NANP: variants seen among roughly 807,000 people sequenced by gnomAD.
NANP encodes the protein N-acetylneuraminic acid phosphatase.
NANP carries 15 observed loss-of-function variants against 16.9 expected under a neutral mutation model. That is an observed-to-expected ratio of 0.89 (90% CI 0.59 to 1.37). NANP has a LOEUF of 1.37. Among genes scored for constraint, NANP ranks in the 40% most tolerant of loss-of-function variants. The probability of loss-of-function intolerance (pLI) is 0.00; values close to 1 mark genes in which losing one functional copy is unlikely to be tolerated. For synonymous variants in NANP, 135 were observed against 112.6 expected (o/e 1.20, Z -1.26); for missense variants, 290 against 303.5 (o/e 0.96, Z 0.33).
In NANP at chr20:25,616,121, C is replaced by G. The variant is rs900572092; in HGVS notation, c.551G>C (p.Cys184Ser). 1.9e-6 allele frequency: 3 copies of G among 1,614,204 alleles called. No individual in the cohort carries two copies. In the African/African-American group the frequency reaches 4.0e-5, roughly 22 times the overall value. The change falls in exon 2 of 2, where the codon TGT becomes TCT. Residue 184 changes from cysteine (C) to serine (S), a missense_variant. Coordinates refer to ENST00000304788, the MANE Select transcript of NANP (RefSeq NM_152667.3). ...CNLLGVQPGD[C>S]VMVGDTLETD... ...TTCTAATGTGTCACCGACCATCACACAGTCCCCAGGTTGTACTCCGAGAAG... is the reference window on the plus strand; with the variant it reads ...TTCTAATGTGTCACCGACCATCACAGAGTCCCCAGGTTGTACTCCGAGAAG...
chr20:25,619,528 A>C (rs995173477), intron 1 of NANP, among the ~76,000 whole-genome samples: 1 of 152,238 alleles, frequency 6.6e-6, no homozygotes, highest in Non-Finnish European at 1.5e-5. Flanking sequence ...AAATGTAATC[A>C]TTAAGAAAAA....
intron 1 of NANP, among the ~76,000 whole-genome samples, chr20:25,621,822 G>A (rs2065365338): frequency 6.6e-6 from 1 of 152,130 alleles, no homozygotes; most frequent in African/African-American, 2.4e-5. Context: ...CAAAGTACTG[G>A]GATTACAGGC....
At chr20:25,623,582 G>A (rs900542826) in intron 1 of NANP, among the ~76,000 whole-genome samples, 1 of 152,274 alleles carries the variant, frequency 6.6e-6, no homozygotes, top group Admixed American at 6.5e-5. Context: ...CGTGGCAGCC[G>A]TCACGGAGCC....
rs556748525 is a variant in NANP at position 25,624,005 on chromosome 20, G to A, written c.-57C>T. On this transcript the variant is annotated 5_prime_UTR_variant, in exon 1 of 2. Transcript: ENST00000304788. ...GCCACCGCCGCCTGCGCATGCGCAA[G>A]GCGGACTGCCCAGAGAGACGTGGGA... The A allele has an allele frequency of 1.9e-5, 29 of 1,562,156 alleles. No homozygotes were observed. In the Middle Eastern group the frequency reaches 1.4e-3, roughly 75 times the overall value.
chr20:25,619,258 G>C (rs557279048), intron 1 of NANP, among the ~76,000 whole-genome samples: 29 of 151,072 alleles, frequency 1.9e-4, no homozygotes, highest in Admixed American at 1.7e-3. Flanking sequence ...CGAATAGCTA[G>C]AACTACAACT....
Position 25,614,543 on chromosome 20 carries a change from C to A in NANP, c.*1382G>T, listed in dbSNP as rs552824549. 1.4e-4 allele frequency: 21 copies of A among 152,154 alleles called. No individual in the cohort carries two copies. The highest frequency in any genetic ancestry group is 4.8e-4 in the African/African-American group (20 of 41,498). The allele number at this position is 152,154 out of a possible 1,614,324, so 9.4% of individuals were successfully genotyped here. On this transcript the variant is annotated 3_prime_UTR_variant, in exon 2 of 2. Transcript: ENST00000304788. ...TTAATTATTAAGCTCCTGGTAAACC[C>A]TGAATTAGATATAGAAATTTGCAAA...
Position 25,623,965 on chromosome 20 carries a change from G to T in NANP, c.-17C>A. 1.9e-6 allele frequency: 3 copies of T among 1,609,918 alleles called. No individual in the cohort carries two copies. Among genetic ancestry groups the T allele is most frequent in the Non-Finnish European group, 2.5e-6 (3 of 1,178,708 alleles). On this transcript the variant is annotated 5_prime_UTR_variant, in exon 1 of 2. Coordinates refer to ENST00000304788, the MANE Select transcript of NANP (RefSeq NM_152667.3). ...CAGCCCCATAGCGCCGGCCGCTGGC[G>T]CGAACCGTAGCCTTGCCACCGCCGC...
chr20:25,621,847 C>T lies in NANP; in HGVS notation c.90+2012G>A, dbSNP rs1324338213. Reference sequence around the variant, plus strand: ...GGATTACAGGCGTGAGCCACCGCGCCCGGCCCATTCATAAATTATTTACAA... The same window carrying T: ...GGATTACAGGCGTGAGCCACCGCGCTCGGCCCATTCATAAATTATTTACAA... On this transcript the variant is annotated intron_variant, in intron 1 of 1. Coordinates refer to ENST00000304788, the MANE Select transcript of NANP (RefSeq NM_152667.3). Among the ~76,000 whole-genome samples the T allele has an allele frequency of 3.9e-5, 6 of 152,210 alleles. No homozygotes were observed. In the East Asian group the frequency reaches 1.2e-3, roughly 29 times the overall value.
intron 1 of NANP, among the ~76,000 whole-genome samples, chr20:25,617,300 T>C (rs2065347154): frequency 6.6e-6 from 1 of 152,110 alleles, no homozygotes; most frequent in South Asian, 2.1e-4. Flanking sequence ...CAACCTCCAC[T>C]GCCCAGGCTC....
At chr20:25,619,686 T>TGAA (rs1400092783) in intron 1 of NANP, among the ~76,000 whole-genome samples, 1 of 152,186 alleles carries the variant, frequency 6.6e-6, no homozygotes, top group Admixed American at 6.5e-5. Context: ...CAACATCAAT[T>TGAA]GAAGGACTCT....
At chr20:25,622,254 G>C (rs914124465) in intron 1 of NANP, among the ~76,000 whole-genome samples, 1 of 152,224 alleles carries the variant, frequency 6.6e-6, no homozygotes, top group African/African-American at 2.4e-5. Flanking sequence ...GAGTTCAGCT[G>C]TAACTGAGAC....
chr20:25,615,735 G>T lies in NANP; in HGVS notation c.*190C>A. 1.7e-6 allele frequency: 1 copy of T among 580,426 alleles called. No individual in the cohort carries two copies. Among genetic ancestry groups the T allele is most frequent in the Non-Finnish European group, 3.0e-6 (1 of 338,004 alleles). 36.0% of individuals were successfully genotyped at this position (580,426 alleles called of 1,614,324 possible). ...ATGCAATCTGAATTTTCAGATATAA[G>T]TACCACTCAATGGTTGGTTGTTACA... On this transcript the variant is annotated 3_prime_UTR_variant, in exon 2 of 2. Transcript: ENST00000304788.
chr20:25,614,054 G>T lies in NANP; in HGVS notation c.*1871C>A. ...GCATTTGAAACTACAAACATCCTCTGTTCACAAATGTTCACTGTTATAGCA... is the reference window on the plus strand; with the variant it reads ...GCATTTGAAACTACAAACATCCTCTTTTCACAAATGTTCACTGTTATAGCA... On this transcript the variant is annotated 3_prime_UTR_variant, in exon 2 of 2. Coordinates refer to ENST00000304788, the MANE Select transcript of NANP (RefSeq NM_152667.3). The T allele has an allele frequency of 2.6e-6, 1 of 385,802 alleles. No individual in the cohort carries two copies. The highest frequency in any genetic ancestry group is 3.7e-5 in the East Asian group (1 of 27,128). 23.9% of individuals were successfully genotyped at this position (385,802 alleles called of 1,614,324 possible).
chr20:25,623,787 G>A (rs923431674), intron 1 of NANP, 72 bp downstream of exon 1: 5 of 1,396,148 alleles, frequency 3.6e-6, no homozygotes, highest in East Asian at 4.8e-5. Context: ...GGGGTCAAGG[G>A]GAGGTGAGCG....
rs1244564597 is a variant in NANP, at chr20:25,612,968, G to A, written c.*2957C>T. The A allele has an allele frequency of 1.3e-5, 2 of 152,108 alleles. No homozygotes were observed. The highest frequency in any genetic ancestry group is 3.9e-4 in the East Asian group (2 of 5,176). 9.4% of individuals were successfully genotyped at this position (152,108 alleles called of 1,614,324 possible). A position where few individuals can be genotyped will look rare whatever the true frequency, so the allele number is the denominator to read the frequency against. ...ATTCACCCTTTTATTTTTTTGACTT[G>A]TGTACTACAAGTAGTACTTGTTCAA... is the stretch of plus-strand genomic sequence containing the variant. On this transcript the variant is annotated 3_prime_UTR_variant, in exon 2 of 2. Coordinates refer to ENST00000304788, the MANE Select transcript of NANP (RefSeq NM_152667.3).
Position 25,616,199 on chromosome 20 carries a change from C to T in NANP, c.473G>A (p.Gly158Glu), listed in dbSNP as rs756465018. The T allele has an allele frequency of 1.9e-5, 30 of 1,614,030 alleles. No individual in the cohort carries two copies. The Admixed American group carries it at 4.8e-4, about 26-fold the overall frequency. ...QSYFDAVVVG[G>E]EQREEKPAPS... ...TGCTGGTTTCTCCTCTCTCTGCTCT[C>T]CACCTACAACAACAGCGTCAAAATA... is the stretch of plus-strand genomic sequence containing the variant. The change falls in exon 2 of 2, where the codon GGA becomes GAA. Residue 158 changes from glycine (G) to glutamate (E), a missense_variant. By Grantham distance (98) the Gly-to-Glu change is moderately conservative (BLOSUM62 -2). Coordinates refer to ENST00000304788, the MANE Select transcript of NANP (RefSeq NM_152667.3).
chr20:25,620,059 A>G (rs1242759520), intron 1 of NANP, among the ~76,000 whole-genome samples: 2 of 152,240 alleles, frequency 1.3e-5, no homozygotes, highest in African/African-American at 4.8e-5. Flanking sequence ...TGCGACAATA[A>G]GTAGCATTTT....
rs2065344327 is a variant in NANP, at chr20:25,616,484, G to A, written c.188C>T (p.Pro63Leu). 6.2e-7 allele frequency: 1 copy of A among 1,613,866 alleles called. No homozygotes were observed. Among genetic ancestry groups the A allele is most frequent in the Non-Finnish European group, 8.5e-7 (1 of 1,179,892 alleles). The stretch of plus-strand genomic sequence containing the variant: ...TAAATCAGTAATGCATGTATTGTAA[G>A]GATGAAAACATTCCTTGCTGAGTTT... The part of the protein sequence containing the change: ...QVKLSKECFH[P>L]YNTCITDLRT... Residue 63 changes from proline to leucine, a missense_variant, in exon 2 of 2, where the codon CCT becomes CTT. Physicochemically the swap from Pro to Leu is moderately conservative, Grantham distance 98. Transcript: ENST00000304788.
At chr20:25,620,698 G>A (rs904317966) in intron 1 of NANP, among the ~76,000 whole-genome samples, 2 of 152,114 alleles carry the variant, frequency 1.3e-5, no homozygotes, top group African/African-American at 2.4e-5. Context: ...ATGTGTATTC[G>A]GGTTCCAAGA....
Sources: allele counts gnomAD v4.1 joint callset (sites outside exome capture counted in the v4.1 genomes callset), GRCh38; gene constraint gnomAD v4.1.1; transcripts MANE v1.5; gene names NCBI Gene and HGNC (gene_info 2026-07-23, HGNC 2026-07-21).